Variants in BTG4 observed in about 807,000 individuals in gnomAD.
The protein encoded by BTG4 is BTG anti-proliferation factor 4, also known as protein BTG4.
A neutral mutation model predicts 19.3 loss-of-function variants in BTG4; 10 were observed. That is an observed-to-expected ratio of 0.52 (90% confidence interval 0.32 to 0.88). The LOEUF (loss-of-function observed/expected upper bound fraction) is 0.88. BTG4 is among the 40% of genes least tolerant of loss of function. The pLI, the probability that BTG4 is intolerant of heterozygous loss-of-function variation, is 0.04. For missense variants in BTG4, 238 were observed against 281.9 expected, an observed-to-expected ratio of 0.84 and a Z score of 1.11; for synonymous variants, 91 against 95.7, an observed-to-expected ratio of 0.95 and a Z score of 0.29.
chr11:111,490,218 A>T (rs1256215233), downstream of BTG4, among the ~76,000 whole-genome samples: 7 of 152,042 alleles, frequency 4.6e-5, no homozygotes, highest in Admixed American at 2.6e-4. Context: ...GGTTGCAGGG[A>T]GCTGAGATCG....
intron 1 of BTG4, 56 bp from the exon 2 acceptor site, chr11:111,498,858 C>A (rs1436653322): frequency 8.2e-7 from 1 of 1,221,700 alleles, no homozygotes; most frequent in Non-Finnish European, 1.1e-6. Flanking sequence ...AACTTATTAT[C>A]AATATTTAAC....
At chr11:111,460,539 A>G in the BTG4 span, among the ~76,000 whole-genome samples, 1 of 152,066 alleles carries the variant, frequency 6.6e-6, no homozygotes, top group South Asian at 2.1e-4. Flanking sequence ...GGTGGTTCAC[A>G]AGGGTGTTAA....
chr11:111,401,414 A>G, the BTG4 span, among the ~76,000 whole-genome samples: 1 of 151,964 alleles, frequency 6.6e-6, no homozygotes, highest in Non-Finnish European at 1.5e-5. Context: ...CCCAGGAGAC[A>G]GAGCTTGCAG....
chr11:111,503,206 C>G (rs1866210173), intron 1 of BTG4, among the ~76,000 whole-genome samples: 1 of 152,192 alleles, frequency 6.6e-6, no homozygotes, highest in Non-Finnish European at 1.5e-5. Context: ...GTTTCAAACA[C>G]TTGTAACCAA....
chr11:111,428,117 T>C, the BTG4 span, among the ~76,000 whole-genome samples: 1 of 152,098 alleles, frequency 6.6e-6, no homozygotes, highest in East Asian at 1.9e-4. Context: ...AAAAAGTGCA[T>C]AGGTAAGTAT....
chr11:111,456,214 G>A, the BTG4 span, among the ~76,000 whole-genome samples: 1 of 152,150 alleles, frequency 6.6e-6, no homozygotes, highest in African/African-American at 2.4e-5. This position sits in a 1 kb window ranked among gnomAD's most constrained non-coding sequence, Gnocchi z 4.2. Flanking sequence ...CCTGTCTTGG[G>A]GTCTCGCAGG....
chr11:111,442,058 C>CA, the BTG4 span, among the ~76,000 whole-genome samples: 11 of 151,076 alleles, frequency 7.3e-5, no homozygotes, highest in South Asian at 6.3e-4. Flanking sequence ...GACTCCATCT[C>CA]AAAAAACAAA....
the BTG4 span, among the ~76,000 whole-genome samples, chr11:111,410,631 A>G: frequency 6.6e-6 from 1 of 152,166 alleles, no homozygotes; most frequent in Non-Finnish European, 1.5e-5. Context: ...AGGCCACCTC[A>G]CCTCACTCAG....
chr11:111,464,210 G>C (rs143488350), downstream of BTG4, among the ~76,000 whole-genome samples: 41 of 152,240 alleles, frequency 2.7e-4, no homozygotes, highest in Middle Eastern at 3.4e-3. Flanking sequence ...TGTTGGCCAA[G>C]CTGGTCTTGA....
At chr11:111,468,405 A>G (rs1863852405) in intron 5 of BTG4, among the ~76,000 whole-genome samples, 1 of 152,240 alleles carries the variant, frequency 6.6e-6, no homozygotes, top group Admixed American at 6.5e-5. Flanking sequence ...TGTTTTAGAA[A>G]TTAGGAAATT....
chr11:111,486,804 G>T (rs1025827035), intron 5 of BTG4, among the ~76,000 whole-genome samples: 1 of 152,110 alleles, frequency 6.6e-6, no homozygotes, highest in Admixed American at 6.6e-5. Flanking sequence ...GCTTTTAATT[G>T]ATTTTTTTAA....
intron 5 of BTG4, among the ~76,000 whole-genome samples, chr11:111,479,460 G>A (rs1034750378): frequency 2.0e-5 from 3 of 152,044 alleles, no homozygotes; most frequent in South Asian, 2.1e-4. Context: ...TTAAAAAAGA[G>A]CTAAGAATAT....
At chr11:111,406,468 G>C in the BTG4 span, among the ~76,000 whole-genome samples, 1 of 152,174 alleles carries the variant, frequency 6.6e-6, no homozygotes, top group Non-Finnish European at 1.5e-5. Flanking sequence ...TCTTGCCTCT[G>C]CTCACTTTTC....
the BTG4 span, among the ~76,000 whole-genome samples, chr11:111,429,570 T>C: frequency 6.6e-6 from 1 of 152,196 alleles, no homozygotes; most frequent in Non-Finnish European, 1.5e-5. Context: ...CCTGGACTTG[T>C]TGAGCAGATC....
chr11:111,486,856 C>T (rs937371007), intron 5 of BTG4, among the ~76,000 whole-genome samples: 10 of 151,984 alleles, frequency 6.6e-5, no homozygotes, highest in African/African-American at 1.9e-4. Context: ...ATGTGCAGGA[C>T]GTGCAGGTTT....
chr11:111,461,150 T>C, the BTG4 span, among the ~76,000 whole-genome samples: 1 of 152,076 alleles, frequency 6.6e-6, no homozygotes, highest in African/African-American at 2.4e-5. Flanking sequence ...ACAATGAAAA[T>C]GATTTAGGGC....
the BTG4 span, among the ~76,000 whole-genome samples, chr11:111,442,069 A>T: frequency 2.0e-5 from 3 of 151,892 alleles, no homozygotes; most frequent in Non-Finnish European, 4.4e-5. Context: ...AAAAAACAAA[A>T]AAAGAAAGAA....
chr11:111,493,464 TACATTC>T (rs1013604575), downstream of BTG4, among the ~76,000 whole-genome samples: 58 of 152,298 alleles, frequency 3.8e-4, no homozygotes, highest in African/African-American at 1.3e-3. Context: ...TAAACTAAAG[TACATTC>T]ACATACATGC....
chr11:111,439,151 C>T, the BTG4 span, among the ~76,000 whole-genome samples: 4 of 152,262 alleles, frequency 2.6e-5, no homozygotes, highest in African/African-American at 9.6e-5. Flanking sequence ...AACAAAGCCA[C>T]TCAAACAGCA....
Sources: gnomAD v4.1 joint callset for allele counts (sites outside exome capture counted in the v4.1 genomes callset) on GRCh38, gnomAD v4.1.1 for gene constraint, Gnocchi (gnomAD v3.1) non-coding constraint, MANE v1.5 for transcripts, NCBI Gene and HGNC (gene_info 2026-07-23, HGNC 2026-07-21) for gene names.